Variants in DOT1L observed in about 807,000 individuals in gnomAD.
DOT1L encodes histone-lysine N-methyltransferase, H3 lysine-79 specific.
Under a neutral mutation model 153.3 loss-of-function variants are expected in DOT1L, and 33 were observed. The ratio of observed to expected loss-of-function variants is 0.22; its 90% CI spans 0.16 to 0.29. DOT1L has a LOEUF of 0.29. Among genes scored for constraint, DOT1L ranks in the 10% least tolerant of loss-of-function variants. The probability of loss-of-function intolerance (pLI) is 1.00; values close to 1 mark genes in which losing one functional copy is unlikely to be tolerated. For missense variants in DOT1L, 1,847 were observed against 2,119.9 expected (o/e 0.87, Z 2.53); for synonymous variants, 1,135 against 965.1 (o/e 1.18, Z -3.26).
chr19:2,178,519 G>A (rs2022068855), intron 1 of DOT1L, among the ~76,000 whole-genome samples: 1 of 149,942 alleles, frequency 6.7e-6, no homozygotes, highest in South Asian at 2.1e-4. Context: ...CCGGGTTCAC[G>A]CCATTCTCCT....
chr19:2,180,632 G>T lies in DOT1L; in HGVS notation c.82-81G>T. The T allele has an allele frequency of 2.0e-6, 3 of 1,534,094 alleles. No individual in the cohort carries two copies. In the South Asian group the frequency reaches 3.5e-5, roughly 18 times the overall value. On this transcript the variant is annotated intron_variant, in intron 1 of 27. Transcript: ENST00000398665. ...GAAATGAAGAGATGGGAAGTTGACG[G>T]CATCGCTTGTCCGGGAAGAGAGCGA...
chr19:2,189,622 G>T, intron 3 of DOT1L, 110 bp from the exon 4 acceptor site: 2 of 1,246,312 alleles, frequency 1.6e-6, no homozygotes, highest in South Asian at 1.3e-5. Context: ...GCTGGTGGCT[G>T]TCCAGGCAGG....
intron 25 of DOT1L, 57 bp from the exon 26 acceptor site, chr19:2,225,331 T>C (rs2024281731): frequency 6.5e-7 from 1 of 1,535,912 alleles, no homozygotes; most frequent in Non-Finnish European, 9.0e-7. Context: ...TCAGCATTTG[T>C]GTCATTCTTA....
At chr19:2,218,242 C>T (rs2023976198) in intron 22 of DOT1L, among the ~76,000 whole-genome samples, 1 of 152,242 alleles carries the variant, frequency 6.6e-6, no homozygotes, top group African/African-American at 2.4e-5. Context: ...CCCCTGTCCT[C>T]ACAGCTGCCT....
intron 3 of DOT1L, among the ~76,000 whole-genome samples, chr19:2,187,239 G>T (rs2022554311): frequency 6.6e-6 from 1 of 152,250 alleles, no homozygotes; most frequent in South Asian, 2.1e-4. Context: ...AGTGGGTGTT[G>T]TCGGGCTGAG....
At chr19:2,183,915 A>G (rs531450021) in intron 2 of DOT1L, among the ~76,000 whole-genome samples, 493 of 132,956 alleles carry the variant, frequency 3.7e-3, no homozygotes, top group Non-Finnish European at 5.1e-3. Flanking sequence ...ATGAGCCACC[A>G]CGCCCGGCCT....
intron 19 of DOT1L, chr19:2,214,840 C>T (rs551196592): frequency 7.9e-5 from 38 of 480,942 alleles, no homozygotes; most frequent in East Asian, 2.0e-4. Context: ...GAATGCGCAG[C>T]GCTAACCTAG....
At chr19:2,181,764 C>A (rs1054423211) in intron 2 of DOT1L, among the ~76,000 whole-genome samples, 1 of 122,058 alleles carries the variant, frequency 8.2e-6, no homozygotes, top group African/African-American at 3.0e-5. Flanking sequence ...CCGCCCAGCA[C>A]CAGCCCCAGC....
chr19:2,190,913 C>A lies in DOT1L; in HGVS notation c.265-99C>A, dbSNP rs961170094. The A allele has an allele frequency of 1.7e-6, 2 of 1,189,040 alleles. No individual in the cohort carries two copies. Among genetic ancestry groups the A allele is most frequent in the Admixed American group, 2.2e-5 (1 of 44,968 alleles). 73.7% of individuals were successfully genotyped at this position (1,189,040 alleles called of 1,614,324 possible). A position where few individuals can be genotyped will look rare whatever the true frequency, so the allele number is the denominator to read the frequency against. ...GCAGGGGGACGAGAGGCCATGCAGC[C>A]GACTCCCTGCTTCCGCTGGGAAAGG... On this transcript the variant is annotated intron_variant, in intron 4 of 27. Transcript: ENST00000398665. The surrounding 1 kb of genome is among the most constrained non-coding windows in gnomAD (Gnocchi z 4.8).
chr19:2,169,080 C>T (rs1033235667), intron 1 of DOT1L, among the ~76,000 whole-genome samples: 1 of 152,082 alleles, frequency 6.6e-6, no homozygotes, highest in Non-Finnish European at 1.5e-5. Flanking sequence ...CTCCACTGGC[C>T]AAGGGTCCGG....
chr19:2,208,775 G>A lies in DOT1L; in HGVS notation c.964-160G>A, dbSNP rs372814716. On this transcript the variant is annotated intron_variant, in intron 11 of 27. Coordinates refer to ENST00000398665, the MANE Select transcript of DOT1L (RefSeq NM_032482.3). The surrounding 1 kb of genome is among the most constrained non-coding windows in gnomAD (Gnocchi z 4.4). ...CCACAGCTGGGTTAGTCACATCCGC[G>A]TTTGCCACTGGGGGGCTCTAGCTGC... Among the ~76,000 whole-genome samples the A allele has an allele frequency of 2.0e-5, 3 of 152,122 alleles. No individual in the cohort carries two copies. The highest frequency in any genetic ancestry group is 4.4e-5 in the Non-Finnish European group (3 of 68,022).
chr19:2,189,807 G>A lies in DOT1L; in HGVS notation c.264+12G>A, dbSNP rs1599559124. 6.2e-7 allele frequency: 1 copy of A among 1,611,494 alleles called. No individual in the cohort carries two copies. Among genetic ancestry groups the A allele is most frequent in the South Asian group, 1.1e-5 (1 of 91,084 alleles). The stretch of plus-strand genomic sequence containing the variant: ...GCATCCACCAGCTGGTAGGTGGCTT[G>A]CCCCTGCCCAGAGGGGGTTAGTAGT... On this transcript the variant is annotated intron_variant, in intron 4 of 27. Coordinates refer to ENST00000398665, the MANE Select transcript of DOT1L (RefSeq NM_032482.3).
At chr19:2,169,723 C>G (rs181013247) in intron 1 of DOT1L, among the ~76,000 whole-genome samples, 1 of 152,270 alleles carries the variant, frequency 6.6e-6, no homozygotes, top group Admixed American at 6.5e-5. Flanking sequence ...TGGGGTAATT[C>G]GAGCCTGTGC....
rs1415829136 is a variant in DOT1L, at chr19:2,208,165, C to A, written c.963+485C>A. On this transcript the variant is annotated intron_variant, in intron 11 of 27. Transcript: ENST00000398665. The surrounding 1 kb of genome is among the most constrained non-coding windows in gnomAD (Gnocchi z 4.4). ...GACACAGCCCTGGGCCAGTGTGCGG[C>A]CTGCCTGCCTCCCACGGTGCTTCCC... 6.6e-6 allele frequency among the ~76,000 whole-genome samples: 1 copy of A among 152,110 alleles called. No homozygotes were observed. Among genetic ancestry groups the A allele is most frequent in the East Asian group, 1.9e-4 (1 of 5,192 alleles).
rs575744241 is a variant in DOT1L at position 2,174,163 on chromosome 19, G to T, written c.82-6550G>T. Among the ~76,000 whole-genome samples the T allele has an allele frequency of 2.0e-5, 3 of 152,322 alleles. No individual in the cohort carries two copies. The South Asian group carries it at 6.2e-4, about 32-fold the overall frequency. ...ACATGGGCTAGTTATTATCAAGTCA[G>T]CTGAAGCCTTGTCAGCCATCCTTGG... On this transcript the variant is annotated intron_variant, in intron 1 of 27. Coordinates refer to ENST00000398665, the MANE Select transcript of DOT1L (RefSeq NM_032482.3).
intron 2 of DOT1L, among the ~76,000 whole-genome samples, chr19:2,181,104 G>C (rs539237219): frequency 3.3e-5 from 5 of 152,362 alleles, no homozygotes; most frequent in Admixed American, 3.3e-4. Context: ...CATGGGTGCA[G>C]AGAGGAGCAT....
In DOT1L at chr19:2,167,895, C is replaced by T. The variant is rs567371402; in HGVS notation, c.81+3630C>T. On this transcript the variant is annotated intron_variant, in intron 1 of 27. Coordinates refer to ENST00000398665, the MANE Select transcript of DOT1L (RefSeq NM_032482.3). Reference sequence around the variant, plus strand: ...GGATTACAGACCTGTGCCACCATGCCTGGCTTATTTTGTATTTTTAGTAGA... The same window carrying T: ...GGATTACAGACCTGTGCCACCATGCTTGGCTTATTTTGTATTTTTAGTAGA... Among the ~76,000 whole-genome samples, 5 of 152,200 alleles carry T rather than the reference C, an allele frequency of 3.3e-5. No individual in the cohort carries two copies. The South Asian group carries it at 1.0e-3, about 32-fold the overall frequency.
chr19:2,206,516 T>C (rs1308180146), intron 9 of DOT1L, among the ~76,000 whole-genome samples: 3 of 124,090 alleles, frequency 2.4e-5, no homozygotes, highest in African/African-American at 9.1e-5. Flanking sequence ...CGGGAGACTC[T>C]GTCTCAAAAA....
At chr19:2,171,913 C>T (rs1021371089) in intron 1 of DOT1L, among the ~76,000 whole-genome samples, 2 of 152,170 alleles carry the variant, frequency 1.3e-5, no homozygotes, top group Non-Finnish European at 2.9e-5. Context: ...AAAGAAGGGG[C>T]GGCTTTTGCA....
Sources: gnomAD v4.1 joint callset for allele counts (sites outside exome capture counted in the v4.1 genomes callset) on GRCh38, gnomAD v4.1.1 for gene constraint, Gnocchi (gnomAD v3.1) non-coding constraint, MANE v1.5 for transcripts, NCBI Gene and HGNC (gene_info 2026-07-23, HGNC 2026-07-21) for gene names.